Variants in SORCS2 observed in about 807,000 individuals in gnomAD.
The protein encoded by SORCS2 is sortilin related VPS10 domain containing receptor 2.
A neutral mutation model predicts 141.6 loss-of-function variants in SORCS2; 100 were observed. That is an observed-to-expected ratio of 0.71 (90% CI 0.60 to 0.83). The LOEUF (loss-of-function observed/expected upper bound fraction) is 0.83. Ranked by LOEUF, SORCS2 falls within the 40% of genes least tolerant of loss-of-function variation. The pLI, the probability that SORCS2 is intolerant of heterozygous loss-of-function variation, is 0.00. For missense variants in SORCS2, 1,646 were observed against 1,560.2 expected (o/e 1.05, Z -0.93); for synonymous variants, 789 against 676.9 (o/e 1.17, Z -2.57).
chr4:7,476,147 C>G lies in SORCS2; in HGVS notation c.549-55383C>G, dbSNP rs76044368. Among the ~76,000 whole-genome samples the G allele has an allele frequency of 1.9e-3, 293 of 152,310 alleles. 2 individuals carry two copies. The highest frequency in any genetic ancestry group is 3.5e-3 in the Non-Finnish European group (241 of 68,026). ...CCCGTGTGCTCCAGGAAAACAGAAT[C>G]ATAGGACATGGATGGTTAGGAAGGA... On this transcript the variant is annotated intron_variant, in intron 2 of 26. Coordinates refer to ENST00000507866, the MANE Select transcript of SORCS2 (RefSeq NM_020777.3).
At chr4:7,629,435 G>C (rs1719732859) in intron 3 of SORCS2, among the ~76,000 whole-genome samples, 1 of 152,004 alleles carries the variant, frequency 6.6e-6, no homozygotes. Flanking sequence ...GGCTGTGGCA[G>C]GGCAGGCCCA....
At chr4:7,729,968 C>T (rs944880215) in intron 23 of SORCS2, among the ~76,000 whole-genome samples, 3 of 152,138 alleles carry the variant, frequency 2.0e-5, no homozygotes, top group African/African-American at 7.2e-5. Context: ...GGGGCTCGCT[C>T]ATTTCTTCTC....
At chr4:7,262,375 TATCCATCC>T (rs61111993) in intron 1 of SORCS2, among the ~76,000 whole-genome samples, 47,995 of 136,618 alleles carry the variant, frequency 0.35, 9,117 homozygotes, top group East Asian at 0.56. Context: ...CCTATCCATC[TATCCATCC>T]ATCCATCCAT....
chr4:7,326,805 C>G (rs571704250), intron 1 of SORCS2, among the ~76,000 whole-genome samples: 7 of 152,326 alleles, frequency 4.6e-5, no homozygotes, highest in Non-Finnish European at 7.4e-5. Context: ...GCCCAGTGTC[C>G]GGGGCAGGAA....
chr4:7,355,399 C>G (rs1485075567), intron 1 of SORCS2, among the ~76,000 whole-genome samples: 1 of 152,196 alleles, frequency 6.6e-6, no homozygotes, highest in African/African-American at 2.4e-5. Context: ...AAGAGGCTAA[C>G]TGCTACAACA....
At chr4:7,446,173 T>G (rs1553864931) in intron 2 of SORCS2, among the ~76,000 whole-genome samples, 5 of 141,238 alleles carry the variant, frequency 3.5e-5, no homozygotes, top group South Asian at 2.2e-4. Flanking sequence ...AGGAAGGAGG[T>G]AGGGAGGGGA....
intron 1 of SORCS2, among the ~76,000 whole-genome samples, chr4:7,347,578 G>C (rs1177808919): frequency 6.6e-6 from 1 of 152,142 alleles, no homozygotes; most frequent in Non-Finnish European, 1.5e-5. Flanking sequence ...CACTTACGTG[G>C]TAGAGCTGAA....
chr4:7,733,352 G>A lies in SORCS2; in HGVS notation c.3139G>A (p.Ala1047Thr), dbSNP rs1008395652. Residue 1047 changes from alanine (A) to threonine (T), a missense_variant, in exon 24 of 27, where the codon GCA (alanine) becomes ACA (threonine). By Grantham distance (58) the Ala-to-Thr change is moderately conservative (BLOSUM62 0). Transcript: ENST00000507866. ...RLAAIQQVLN[A>T]QKISFLLRGG... ...CGCCGCCATCCAGCAGGTGCTGAAC[G>A]CACAGAAGATCAGCTTCCTCCTGCG... 1.8e-5 allele frequency: 29 copies of A among 1,573,294 alleles called. No individual in the cohort carries two copies. The highest frequency in any genetic ancestry group is 9.4e-5 in the East Asian group (4 of 42,474).
intron 1 of SORCS2, among the ~76,000 whole-genome samples, chr4:7,342,629 C>G (rs1720429674): frequency 6.6e-6 from 1 of 152,104 alleles, no homozygotes; most frequent in African/African-American, 2.4e-5. Flanking sequence ...TGCTTGCACC[C>G]CCTAGCTAAA....
At chr4:7,631,169 G>T (rs1719867183) in intron 3 of SORCS2, among the ~76,000 whole-genome samples, 3 of 151,258 alleles carry the variant, frequency 2.0e-5, no homozygotes, top group African/African-American at 7.3e-5. Context: ...CCTGCCAGAG[G>T]AAGATGACGT....
intron 3 of SORCS2, among the ~76,000 whole-genome samples, chr4:7,597,937 C>A (rs1301856433): frequency 7.0e-6 from 1 of 142,580 alleles, no homozygotes; most frequent in African/African-American, 2.6e-5. Context: ...CCAGGATGGT[C>A]AGTGGGGATG....
At chr4:7,676,786 C>A (rs1253665341) in intron 9 of SORCS2, among the ~76,000 whole-genome samples, 1 of 119,736 alleles carries the variant, frequency 8.4e-6, no homozygotes, top group Admixed American at 8.3e-5. Context: ...CTCTGTGTGT[C>A]TGAAGTCTGC....
intron 3 of SORCS2, among the ~76,000 whole-genome samples, chr4:7,543,053 T>G (rs954956497): frequency 2.0e-5 from 3 of 152,124 alleles, no homozygotes; most frequent in Non-Finnish European, 4.4e-5. Context: ...CCAGCACGTG[T>G]CAGTGGCCAG....
At chr4:7,360,116 T>C (rs1161298155) in intron 1 of SORCS2, among the ~76,000 whole-genome samples, 1 of 152,244 alleles carries the variant, frequency 6.6e-6, no homozygotes, top group East Asian at 1.9e-4. Flanking sequence ...ATTATCTTTT[T>C]AATGTTGCCA....
intron 2 of SORCS2, among the ~76,000 whole-genome samples, chr4:7,499,586 C>G (rs562385253): frequency 7.9e-5 from 12 of 151,974 alleles, no homozygotes; most frequent in African/African-American, 2.9e-4. Context: ...GGGTGGGGGC[C>G]GGCATGGGAG....
At position 7,197,931 on chromosome 4, in the gene SORCS2, G is replaced by T. The variant is rs557691443; in HGVS notation, c.480+4805G>T. Among the ~76,000 whole-genome samples, 98 of 152,306 alleles carry T rather than the reference G, an allele frequency of 6.4e-4. 1 individual carries two copies. The highest frequency in any genetic ancestry group is 2.2e-3 in the African/African-American group (92 of 41,544). ...TATCTTGAAAATGGGAGAAGTAAAG[G>T]CTCATAGGTTTGTGGTGCAGGTGAA... On this transcript the variant is annotated intron_variant, in intron 1 of 26. Coordinates refer to ENST00000507866, the MANE Select transcript of SORCS2 (RefSeq NM_020777.3).
At chr4:7,304,193 C>T (rs1717633117) in intron 1 of SORCS2, among the ~76,000 whole-genome samples, 1 of 152,222 alleles carries the variant, frequency 6.6e-6, no homozygotes, top group African/African-American at 2.4e-5. Context: ...TCCTTCTGGC[C>T]TTATGTTCTT....
chr4:7,725,227 G>A lies in SORCS2; in HGVS notation c.2685G>A (p.Val895=), dbSNP rs755225587. 8 of 1,613,504 alleles carry A rather than the reference G, an allele frequency of 5.0e-6. No homozygotes were observed. Among genetic ancestry groups the A allele is most frequent in the Non-Finnish European group, 6.8e-6 (8 of 1,179,678 alleles). ...GLNQEVNLTA[V]LLPLNPNLTV... Reference sequence around the variant, plus strand: ...ACCAGGAGGTGAACCTCACAGCTGTGCTGCTTCCCTTGAACCCTAACCTCA... The same window carrying A: ...ACCAGGAGGTGAACCTCACAGCTGTACTGCTTCCCTTGAACCCTAACCTCA... The change falls in exon 20 of 27, where the codon GTG becomes GTA. Residue 895 remains valine (V), a synonymous_variant. Coordinates refer to ENST00000507866, the MANE Select transcript of SORCS2 (RefSeq NM_020777.3).
At chr4:7,382,267 G>T (rs746465184) in intron 1 of SORCS2, among the ~76,000 whole-genome samples, 1 of 152,194 alleles carries the variant, frequency 6.6e-6, no homozygotes, top group Non-Finnish European at 1.5e-5. Flanking sequence ...TTGAACTTTA[G>T]CATCTGGGCA....
Sources: allele counts gnomAD v4.1 joint callset (sites outside exome capture counted in the v4.1 genomes callset), GRCh38; gene constraint gnomAD v4.1.1; transcripts MANE v1.5; gene names NCBI Gene and HGNC (gene_info 2026-07-23, HGNC 2026-07-21).